The following LRMDA variants were observed in gnomAD, a reference collection of about 807,000 sequenced individuals.
The protein encoded by LRMDA is leucine rich melanocyte differentiation associated, also known as leucine-rich melanocyte differentiation-associated protein.
Under a neutral mutation model 29.8 loss-of-function variants are expected in LRMDA, and 18 were observed. The ratio of observed to expected loss-of-function variants is 0.60; its 90% CI spans 0.42 to 0.90. The LOEUF (loss-of-function observed/expected upper bound fraction) is 0.90. Ranked by LOEUF, LRMDA falls within the 40% of genes least tolerant of loss-of-function variation. The probability of loss-of-function intolerance (pLI) is 0.00; values close to 1 mark genes in which losing one functional copy is unlikely to be tolerated. For synonymous variants in LRMDA, 125 were observed against 109.4 expected, an observed-to-expected ratio of 1.14 and a Z score of -0.89; for missense variants, 273 against 273.9, an observed-to-expected ratio of 1.00 and a Z score of 0.02.
intron 5 of LRMDA, among the ~76,000 whole-genome samples, chr10:76,284,045 T>C (rs971881925): frequency 3.0e-4 from 45 of 152,188 alleles, no homozygotes; most frequent in African/African-American, 9.2e-4. Flanking sequence ...TGGTCACATC[T>C]TCAAGAGCTC....
chr10:76,369,437 T>C (rs1034057364), intron 6 of LRMDA, among the ~76,000 whole-genome samples: 2 of 152,128 alleles, frequency 1.3e-5, no homozygotes, highest in Non-Finnish European at 2.9e-5. Flanking sequence ...TGAAGATAGG[T>C]CCCCAATCCC....
chr10:75,879,696 A>G (rs1000817094), intron 2 of LRMDA, among the ~76,000 whole-genome samples: 2 of 152,176 alleles, frequency 1.3e-5, no homozygotes, highest in African/African-American at 4.8e-5. Flanking sequence ...ATGAAAAGCC[A>G]TTGAGGTTGG....
chr10:75,765,118 G>T (rs973086924), intron 2 of LRMDA, among the ~76,000 whole-genome samples: 18 of 152,086 alleles, frequency 1.2e-4, no homozygotes, highest in African/African-American at 4.3e-4. Flanking sequence ...TTTTTCAGTT[G>T]TCACTCATCT....
In LRMDA at chr10:76,245,015, G is replaced by A. The variant is rs1487618367; in HGVS notation, c.517-79386G>A. 2.0e-5 allele frequency among the ~76,000 whole-genome samples: 3 copies of A among 152,110 alleles called. No individual in the cohort carries two copies. In the South Asian group the frequency reaches 6.2e-4, roughly 32 times the overall value. ...TCAACTTCACAGTGAGGTTGTTGGA[G>A]CCGTACATCTCAGTACTAGCATTCA... is the stretch of plus-strand genomic sequence containing the variant. On this transcript the variant is annotated intron_variant, in intron 5 of 6. Coordinates refer to ENST00000611255, the MANE Select transcript of LRMDA (RefSeq NM_001305581.2).
chr10:75,890,381 AC>A (rs1199324344), intron 2 of LRMDA, among the ~76,000 whole-genome samples: 1 of 152,192 alleles, frequency 6.6e-6, no homozygotes, highest in Non-Finnish European at 1.5e-5. Context: ...GGAATAGCAT[AC>A]CCTTCCCTGA....
intron 5 of LRMDA, among the ~76,000 whole-genome samples, chr10:76,286,397 C>A (rs1243263541): frequency 6.6e-6 from 1 of 152,134 alleles, no homozygotes; most frequent in African/African-American, 2.4e-5. Context: ...AGTCTTGGGG[C>A]CTTCATTGTT....
At chr10:76,463,917 A>T (rs1317164602) in intron 6 of LRMDA, among the ~76,000 whole-genome samples, 12 of 112,884 alleles carry the variant, frequency 1.1e-4, no homozygotes, top group South Asian at 6.0e-4. Context: ...TGCAAAATAA[A>T]TTTTTTTTTT....
chr10:76,175,271 G>A (rs1850913124), intron 5 of LRMDA, among the ~76,000 whole-genome samples: 1 of 152,178 alleles, frequency 6.6e-6, no homozygotes, highest in Non-Finnish European at 1.5e-5. Context: ...GTCTGGATGA[G>A]GATAGCTTGG....
chr10:76,364,340 T>A (rs1841363495), intron 6 of LRMDA, among the ~76,000 whole-genome samples: 1 of 152,220 alleles, frequency 6.6e-6, no homozygotes. Flanking sequence ...ATATCTTTTG[T>A]TTGTTTAGCA....
chr10:75,444,625 T>C (rs1243639088), intron 2 of LRMDA, among the ~76,000 whole-genome samples: 1 of 152,184 alleles, frequency 6.6e-6, no homozygotes, highest in Non-Finnish European at 1.5e-5. Context: ...TCCCTTGAAA[T>C]TGAATGCATT....
At chr10:76,537,761 G>A (rs376365823) in intron 6 of LRMDA, among the ~76,000 whole-genome samples, 9 of 151,966 alleles carry the variant, frequency 5.9e-5, no homozygotes, top group African/African-American at 1.7e-4. Flanking sequence ...GTCACATAAC[G>A]TATTCACAGG....
At chr10:75,835,762 T>C (rs1022121339) in intron 2 of LRMDA, among the ~76,000 whole-genome samples, 9 of 152,198 alleles carry the variant, frequency 5.9e-5, no homozygotes, top group African/African-American at 4.8e-5. Context: ...CCTTCAGGAC[T>C]CTCTACTGTT....
chr10:76,557,581 G>C lies in LRMDA; in HGVS notation c.*293G>C. 1 of 450,564 alleles carries C rather than the reference G, an allele frequency of 2.2e-6. No individual in the cohort carries two copies. The highest frequency in any genetic ancestry group is 2.7e-5 in the South Asian group (1 of 36,426). 27.9% of individuals were successfully genotyped at this position (450,564 alleles called of 1,614,324 possible). A position where few individuals can be genotyped will look rare whatever the true frequency, so the allele number is the denominator to read the frequency against. ...ACAGGGCTGACAGCATGAACACCAT[G>C]ATAGATTGCCTGGTCCTGCCACTGC... On this transcript the variant is annotated 3_prime_UTR_variant, in exon 7 of 7. Coordinates refer to ENST00000611255, the MANE Select transcript of LRMDA (RefSeq NM_001305581.2).
chr10:76,162,205 A>C (rs1850659088), intron 5 of LRMDA, among the ~76,000 whole-genome samples: 1 of 152,134 alleles, frequency 6.6e-6, no homozygotes, highest in African/African-American at 2.4e-5. Context: ...TGCTTTCAAG[A>C]AAGTGCTTAC....
At chr10:76,254,531 C>T (rs1852555077) in intron 5 of LRMDA, among the ~76,000 whole-genome samples, 1 of 152,076 alleles carries the variant, frequency 6.6e-6, no homozygotes, top group Admixed American at 6.6e-5. Context: ...GGCACGGTCA[C>T]TTTCTCCTAG....
At chr10:75,473,929 A>G (rs1844757667) in intron 2 of LRMDA, among the ~76,000 whole-genome samples, 1 of 152,188 alleles carries the variant, frequency 6.6e-6, no homozygotes, top group Admixed American at 6.5e-5. Flanking sequence ...CTTAGGCTCT[A>G]TCCTATTGAG....
At chr10:76,542,181 G>A (rs1427831808) in intron 6 of LRMDA, among the ~76,000 whole-genome samples, 1 of 152,128 alleles carries the variant, frequency 6.6e-6, no homozygotes, top group African/African-American at 2.4e-5. Flanking sequence ...GCCACATCCT[G>A]GGCTTTTAGG....
At chr10:76,207,854 CT>C (rs1247978163) in intron 5 of LRMDA, among the ~76,000 whole-genome samples, 1 of 152,142 alleles carries the variant, frequency 6.6e-6, no homozygotes, top group African/African-American at 2.4e-5. Flanking sequence ...ATCCCAGCTA[CT>C]TGGAAGCCTG....
chr10:76,231,336 A>C (rs1178230995), intron 5 of LRMDA, among the ~76,000 whole-genome samples: 1 of 152,164 alleles, frequency 6.6e-6, no homozygotes, highest in Non-Finnish European at 1.5e-5. Flanking sequence ...TTAATTGTGA[A>C]AGTCATTTTA....
Sources: gnomAD v4.1 joint callset for allele counts (sites outside exome capture counted in the v4.1 genomes callset) on GRCh38, gnomAD v4.1.1 for gene constraint, MANE v1.5 for transcripts, NCBI Gene and HGNC (gene_info 2026-07-23, HGNC 2026-07-21) for gene names.